Variants in NCAM2 observed in about 807,000 individuals in gnomAD.
NCAM2 encodes the protein neural cell adhesion molecule 2, also known as N-CAM-2.
NCAM2 carries 30 observed loss-of-function variants against 98.1 expected under a neutral mutation model. That is an observed-to-expected ratio of 0.31 (90% CI 0.23 to 0.41). The LOEUF (loss-of-function observed/expected upper bound fraction) is 0.41. NCAM2 is among the 10% of genes least tolerant of loss of function. The pLI is 1.00. For synonymous variants in NCAM2, 368 were observed against 342.4 expected (o/e 1.07, Z -0.83); for missense variants, 867 against 1,005.8 (o/e 0.86, Z 1.87).
chr21:21,318,254 T>G (rs1282345206), intron 5 of NCAM2, among the ~76,000 whole-genome samples: 1 of 152,204 alleles, frequency 6.6e-6, no homozygotes, highest in East Asian at 1.9e-4. Context: ...CTTTCAAGAA[T>G]TAAAGGAACA....
chr21:21,202,324 C>T (rs2069255973), intron 1 of NCAM2, among the ~76,000 whole-genome samples: 2 of 150,492 alleles, frequency 1.3e-5, no homozygotes, highest in Non-Finnish European at 2.9e-5. Flanking sequence ...GTGCCTGGCA[C>T]CAAATAAATG....
chr21:21,010,779 G>A (rs1024295572), intron 1 of NCAM2, among the ~76,000 whole-genome samples: 2 of 152,092 alleles, frequency 1.3e-5, no homozygotes, highest in African/African-American at 4.8e-5. Context: ...GATGGAAGAA[G>A]ATAAATCTTT....
chr21:21,412,226 C>T (rs1260474534), intron 10 of NCAM2, among the ~76,000 whole-genome samples: 1 of 152,168 alleles, frequency 6.6e-6, no homozygotes, highest in Non-Finnish European at 1.5e-5. Context: ...TCCTCACATG[C>T]CCTTTCCTCT....
At chr21:21,231,648 A>G (rs1259209807) in intron 1 of NCAM2, among the ~76,000 whole-genome samples, 1 of 151,378 alleles carries the variant, frequency 6.6e-6, no homozygotes, top group Non-Finnish European at 1.5e-5. Flanking sequence ...AACCTTGTAA[A>G]AATTTCCATC....
intron 9 of NCAM2, among the ~76,000 whole-genome samples, chr21:21,383,081 A>G (rs2076193835): frequency 6.6e-6 from 1 of 152,116 alleles, no homozygotes; most frequent in Non-Finnish European, 1.5e-5. Flanking sequence ...TTCCTTTACA[A>G]TTCACCTCAC....
chr21:21,501,172 A>G (rs1455122295), intron 15 of NCAM2, among the ~76,000 whole-genome samples: 1 of 152,046 alleles, frequency 6.6e-6, no homozygotes, highest in Non-Finnish European at 1.5e-5. Flanking sequence ...TTAATATAAT[A>G]TCCAGGTTTA....
chr21:21,314,767 T>A (rs1433190640), intron 5 of NCAM2, among the ~76,000 whole-genome samples: 1 of 152,076 alleles, frequency 6.6e-6, no homozygotes, highest in South Asian at 2.1e-4. Flanking sequence ...ATTTTGTTGT[T>A]GTTGTTGTTG....
chr21:21,143,735 C>T (rs916997294), intron 1 of NCAM2, among the ~76,000 whole-genome samples: 5 of 150,318 alleles, frequency 3.3e-5, no homozygotes, highest in Admixed American at 6.6e-5. Flanking sequence ...GCACCAAAAA[C>T]GCATTATTTA....
At chr21:21,285,239 A>ATG (rs2073059578) in intron 3 of NCAM2, among the ~76,000 whole-genome samples, 1 of 151,910 alleles carries the variant, frequency 6.6e-6, no homozygotes, top group Non-Finnish European at 1.5e-5. Context: ...TTATATATAT[A>ATG]TTAGGAATGC....
chr21:21,466,559 ATATG>A (rs1251360817), intron 12 of NCAM2, 43 bp from the exon 13 acceptor site: 6 of 1,342,000 alleles, frequency 4.5e-6, no homozygotes, highest in East Asian at 2.6e-5. Flanking sequence ...AATTAGATAT[ATATG>A]TATATATATG....
At chr21:21,514,472 C>CAAAAAAAAAAA (rs56710788) in intron 16 of NCAM2, among the ~76,000 whole-genome samples, 1 of 127,734 alleles carries the variant, frequency 7.8e-6, no homozygotes, top group Non-Finnish European at 1.6e-5. Flanking sequence ...TCTCAAAAAA[C>CAAAAAAAAAAA]AAAAAAAAAA....
intron 11 of NCAM2, among the ~76,000 whole-genome samples, chr21:21,425,829 G>A (rs540780926): frequency 6.6e-6 from 1 of 152,276 alleles, no homozygotes; most frequent in East Asian, 1.9e-4. Flanking sequence ...TTGCAGGTTG[G>A]CTATATAATA....
chr21:21,414,063 A>G (rs2076938441), intron 10 of NCAM2, among the ~76,000 whole-genome samples: 1 of 152,216 alleles, frequency 6.6e-6, no homozygotes, highest in African/African-American at 2.4e-5. Flanking sequence ...TTTTTCAGGC[A>G]TCTTCAGCAG....
intron 1 of NCAM2, among the ~76,000 whole-genome samples, chr21:21,236,242 A>G (rs2070817494): frequency 6.6e-6 from 1 of 152,248 alleles, no homozygotes; most frequent in South Asian, 2.1e-4. Context: ...GATCATAATC[A>G]TAAATATAAT....
At chr21:21,483,989 C>T (rs984675991) in intron 15 of NCAM2, among the ~76,000 whole-genome samples, 5 of 151,884 alleles carry the variant, frequency 3.3e-5, no homozygotes, top group Admixed American at 1.3e-4. Flanking sequence ...TAAGAAATTA[C>T]GGTAGAAAAA....
intron 1 of NCAM2, among the ~76,000 whole-genome samples, chr21:21,045,987 A>T (rs977115070): frequency 5.9e-5 from 9 of 152,160 alleles, no homozygotes; most frequent in African/African-American, 2.2e-4. Flanking sequence ...ACCTCTTGCC[A>T]AGTTTCTGAC....
rs752896273 is a variant in NCAM2, at chr21:21,095,424, TTCTG to T, written c.55+96810_55+96813del. 1.3e-4 allele frequency among the ~76,000 whole-genome samples: 19 copies of T among 151,734 alleles called. No individual in the cohort carries two copies. In the East Asian group the frequency reaches 1.4e-3, roughly 11 times the overall value. On this transcript the variant is annotated intron_variant, in intron 1 of 17. Transcript: ENST00000400546. ...AAAGTTACATCTTGATCTGTCATCT[TTCTG>T]TCTATCTATCTAGCTAGCTACCTAT...
intron 1 of NCAM2, among the ~76,000 whole-genome samples, chr21:21,179,432 A>G (rs1044339041): frequency 2.0e-5 from 3 of 152,100 alleles, no homozygotes. Context: ...CTCCCCTCAT[A>G]TACTGTTTTG....
intron 1 of NCAM2, among the ~76,000 whole-genome samples, chr21:21,264,141 T>A (rs573482239): frequency 6.6e-6 from 1 of 151,952 alleles, no homozygotes; most frequent in Admixed American, 6.6e-5. Context: ...CTTAAACAAA[T>A]CAACAAGAAA....
Sources: gnomAD v4.1 joint callset for allele counts (sites outside exome capture counted in the v4.1 genomes callset) on GRCh38, gnomAD v4.1.1 for gene constraint, MANE v1.5 for transcripts, NCBI Gene and HGNC (gene_info 2026-07-23, HGNC 2026-07-21) for gene names.